FAM120C: variants seen among roughly 807,000 people sequenced by gnomAD.
FAM120C encodes constitutive coactivator of PPAR-gamma-like protein 2.
In FAM120C, 14 loss-of-function variants were observed where a neutral mutation model predicts 71.2. The observed-to-expected ratio is 0.20, with a 90% CI of 0.13 to 0.31. FAM120C has a LOEUF of 0.31. Ranked by LOEUF, FAM120C falls within the 10% of genes least tolerant of loss-of-function variation. The pLI, the probability that FAM120C is intolerant of heterozygous loss-of-function variation, is 1.00. For synonymous variants in FAM120C, 354 were observed against 353.2 expected (o/e 1.00, Z -0.03); for missense variants, 500 against 879.0 (o/e 0.57, Z 5.45).
intron 10 of FAM120C, 132 bp downstream of exon 10, chrX:54,116,413 T>C: frequency 1.4e-6 from 1 of 695,495 alleles, no homozygotes. Context: ...TCATTTTCGG[T>C]GTTTCTGGCG....
At chrX:54,129,001 G>A (rs1335394131) in intron 9 of FAM120C, among the ~76,000 whole-genome samples, 26 of 110,702 alleles carry the variant, frequency 2.3e-4, no homozygotes, top group South Asian at 7.6e-4. Context: ...CCTCCCAGAC[G>A]GGGTGGTGGC....
chrX:54,127,895 G>A (rs191230696), intron 9 of FAM120C, among the ~76,000 whole-genome samples: 68 of 110,516 alleles, frequency 6.2e-4, no homozygotes, highest in African/African-American at 2.2e-3. Context: ...GCCTGGCCCA[G>A]GTATCTTTTT....
chrX:54,183,205 TCGGTGGGCAGACG>T lies in FAM120C; in HGVS notation c.-20_-8del. 1 of 1,077,284 alleles carries T rather than the reference TCGGTGGGCAGACG, an allele frequency of 9.3e-7. No individual in the cohort carries two copies. The highest frequency in any genetic ancestry group is 2.4e-5 in the South Asian group (1 of 42,390). 88.8% of individuals were successfully genotyped at this position (1,077,284 alleles called of 1,213,427 possible). On this transcript the variant is annotated 5_prime_UTR_variant, in exon 1 of 16. Transcript: ENST00000375180. ...GGAAGCCCTGGACACCCATGCTTCGTCGGTGGGCAGACGCGATAGCGGCTGCGCAAGCAGGATA... is the reference window on the plus strand; with the variant it reads ...GGAAGCCCTGGACACCCATGCTTCGTCGATAGCGGCTGCGCAAGCAGGATA...
Position 54,183,240 on chromosome X carries a change from G to A in FAM120C, c.-42C>T. The A allele has an allele frequency of 3.5e-6, 3 of 847,426 alleles. No individual in the cohort carries two copies. The highest frequency in any genetic ancestry group is 4.4e-6 in the Non-Finnish European group (3 of 682,795). 69.8% of individuals were successfully genotyped at this position (847,426 alleles called of 1,213,427 possible). ...GACGCGATAGCGGCTGCGCAAGCAG[G>A]ATAGGCGACGATCTGGGCGCGAAGC... On this transcript the variant is annotated 5_prime_UTR_variant, in exon 1 of 16. Transcript: ENST00000375180.
chrX:54,176,787 C>T (rs373729943), intron 1 of FAM120C, among the ~76,000 whole-genome samples: 16 of 112,041 alleles, frequency 1.4e-4, no homozygotes, highest in African/African-American at 4.9e-4. Context: ...ATCTCTCTCA[C>T]GGCAAACATT....
At chrX:54,135,346 A>G (rs781833503) in intron 6 of FAM120C, among the ~76,000 whole-genome samples, 182 bp downstream of exon 6, 13 of 111,949 alleles carry the variant, frequency 1.2e-4, no homozygotes, top group Non-Finnish European at 1.9e-5. Flanking sequence ...TTTCACAATG[A>G]CTAGTGGTTA....
chrX:54,136,758 G>C (rs1425851060), intron 4 of FAM120C, among the ~76,000 whole-genome samples, 168 bp from the exon 5 acceptor site: 2 of 110,083 alleles, frequency 1.8e-5, no homozygotes, highest in Admixed American at 2.0e-4. Flanking sequence ...AAAGCATTAT[G>C]AAACATCAAA....
At chrX:54,133,247 G>A (rs2146609742) in intron 8 of FAM120C, among the ~76,000 whole-genome samples, 1 of 111,826 alleles carries the variant, frequency 8.9e-6, no homozygotes, top group East Asian at 2.8e-4. Flanking sequence ...GGCTGAGGCC[G>A]GAGAATTGCT....
intron 1 of FAM120C, among the ~76,000 whole-genome samples, chrX:54,179,204 C>T (rs1307318608): frequency 8.9e-6 from 1 of 112,260 alleles, no homozygotes; most frequent in Admixed American, 9.5e-5. Context: ...GCAATACACA[C>T]TGGATCTTTT....
chrX:54,108,601 T>C (rs781925478), intron 10 of FAM120C, among the ~76,000 whole-genome samples: 2 of 111,161 alleles, frequency 1.8e-5, no homozygotes, highest in South Asian at 3.8e-4. Context: ...TGAAACAAAA[T>C]AGAATCCATG....
At chrX:54,113,071 A>G (rs952929537) in intron 10 of FAM120C, among the ~76,000 whole-genome samples, 1 of 110,933 alleles carries the variant, frequency 9.0e-6, no homozygotes, top group Non-Finnish European at 1.9e-5. Context: ...AAGATAGATT[A>G]AAGACTGAAA....
intron 10 of FAM120C, among the ~76,000 whole-genome samples, chrX:54,093,090 T>TA (rs1285783799): frequency 8.9e-6 from 1 of 112,230 alleles, no homozygotes; most frequent in Non-Finnish European, 1.9e-5. Context: ...TATCATCCTT[T>TA]ATTTATTATG....
chrX:54,150,080 A>G (rs1215395352), intron 4 of FAM120C, among the ~76,000 whole-genome samples: 1 of 111,561 alleles, frequency 9.0e-6, no homozygotes, highest in Admixed American at 9.6e-5. Context: ...ATTATCTTCC[A>G]TTGAGGAAGA....
At chrX:54,167,962 C>T (rs1314077193) in intron 1 of FAM120C, among the ~76,000 whole-genome samples, 12 of 97,444 alleles carry the variant, frequency 1.2e-4, no homozygotes, top group African/African-American at 3.1e-4. Context: ...AGTGAGACTC[C>T]GTCTCAAAAA....
intron 9 of FAM120C, among the ~76,000 whole-genome samples, chrX:54,124,625 C>T (rs1405108653): frequency 9.9e-6 from 1 of 100,946 alleles, no homozygotes; most frequent in Admixed American, 1.1e-4. Context: ...GTCTGGCACT[C>T]CCTAGTGAGA....
At chrX:54,101,136 G>C (rs1473493060) in intron 10 of FAM120C, among the ~76,000 whole-genome samples, 1 of 111,711 alleles carries the variant, frequency 9.0e-6, no homozygotes, top group Non-Finnish European at 1.9e-5. Context: ...TACTTTATGC[G>C]GGCCTGCAGA....
chrX:54,087,620 G>A (rs1475450954), intron 12 of FAM120C, 135 bp downstream of exon 12: 3 of 570,642 alleles, frequency 5.3e-6, no homozygotes, highest in Non-Finnish European at 8.4e-6. Context: ...ACTGTTGACT[G>A]AGTCAGGTTA....
chrX:54,081,521 CA>C (rs1406195792), intron 13 of FAM120C, 61 bp from the exon 14 acceptor site: 6 of 1,136,630 alleles, frequency 5.3e-6, no homozygotes, highest in South Asian at 2.1e-5. Flanking sequence ...CCTGTAATCC[CA>C]AAACTTTGGG....
chrX:54,131,469 G>A (rs782154391), intron 9 of FAM120C, among the ~76,000 whole-genome samples: 10 of 100,982 alleles, frequency 9.9e-5, no homozygotes, highest in Admixed American at 3.3e-4. Context: ...ACGGAGTTTC[G>A]CTCTTGTTGC....
Sources: gnomAD v4.1 joint callset for allele counts (sites outside exome capture counted in the v4.1 genomes callset) on GRCh38, gnomAD v4.1.1 for gene constraint, MANE v1.5 for transcripts, NCBI Gene and HGNC (gene_info 2026-07-23, HGNC 2026-07-21) for gene names.